ANK3: variants seen among roughly 807,000 people sequenced by gnomAD.
The protein encoded by ANK3 is ankyrin 3, also known as ankyrin-3.
In ANK3, 57 loss-of-function variants were observed where a neutral mutation model predicts 370.9. The observed-to-expected ratio is 0.15, with a 90% CI of 0.12 to 0.19. The LOEUF is 0.19. ANK3 is among the 10% of genes least tolerant of loss of function. The pLI is 1.00. For synonymous variants in ANK3, 1,929 were observed against 1,946.3 expected (o/e 0.99, Z 0.23); for missense variants, 4,439 against 5,302.1 (o/e 0.84, Z 5.06).
intron 2 of ANK3, among the ~76,000 whole-genome samples, chr10:60,531,127 CT>C (rs776619968): frequency 3.9e-5 from 6 of 152,098 alleles, no homozygotes; most frequent in Non-Finnish European, 7.4e-5. Context: ...TGTTTTTGGA[CT>C]TTGGGTGGCT....
intron 43 of ANK3, among the ~76,000 whole-genome samples, chr10:60,034,559 C>A (rs1200169679): frequency 6.6e-6 from 1 of 152,154 alleles, no homozygotes; most frequent in Non-Finnish European, 1.5e-5. Flanking sequence ...CCTATACTTG[C>A]CTTCTCTGAT....
At chr10:60,527,592 GTCC>G (rs2076503967) in intron 2 of ANK3, among the ~76,000 whole-genome samples, 2 of 152,018 alleles carry the variant, frequency 1.3e-5, no homozygotes, top group African/African-American at 4.8e-5. Context: ...ATAATTCAAA[GTCC>G]TCCTCAATTC....
At chr10:60,711,093 C>T (rs1398101350) in intron 1 of ANK3, among the ~76,000 whole-genome samples, 4 of 152,046 alleles carry the variant, frequency 2.6e-5, no homozygotes, top group African/African-American at 9.7e-5. Context: ...TTGGCCCAGT[C>T]AAGGGGACAC....
chr10:60,598,162 C>T (rs778215398), intron 2 of ANK3, among the ~76,000 whole-genome samples: 1 of 152,136 alleles, frequency 6.6e-6, no homozygotes, highest in Non-Finnish European at 1.5e-5. Context: ...TCTGTTACAT[C>T]GTAGCAGAAA....
At chr10:60,551,692 T>A (rs1040644246) in intron 2 of ANK3, among the ~76,000 whole-genome samples, 3 of 152,160 alleles carry the variant, frequency 2.0e-5, no homozygotes, top group Non-Finnish European at 4.4e-5. Flanking sequence ...CACACAAACT[T>A]TCAAATTTAG....
chr10:60,082,558 A>C, intron 34 of ANK3, 57 bp downstream of exon 34: 2 of 1,589,464 alleles, frequency 1.3e-6, no homozygotes, highest in Non-Finnish European at 1.7e-6. Context: ...ATTGCATACC[A>C]AAGGCCCACT....
chr10:60,125,393 A>G (rs1012574313), intron 25 of ANK3, among the ~76,000 whole-genome samples: 3 of 152,212 alleles, frequency 2.0e-5, no homozygotes, highest in Non-Finnish European at 4.4e-5. Flanking sequence ...AGGAAGTCAC[A>G]ATACCAACTT....
chr10:60,698,828 A>G (rs1014671070), intron 1 of ANK3, among the ~76,000 whole-genome samples: 1 of 151,120 alleles, frequency 6.6e-6, no homozygotes, highest in Non-Finnish European at 1.5e-5. Context: ...GGTGCAGTGC[A>G]CCAGCATGGC....
intron 2 of ANK3, among the ~76,000 whole-genome samples, chr10:60,458,103 T>A (rs1048691051): frequency 6.6e-6 from 1 of 152,096 alleles, no homozygotes; most frequent in Non-Finnish European, 1.5e-5. Context: ...AAATGTTGGC[T>A]GTTATTATTT....
chr10:60,058,906 C>A (rs1016425814), intron 41 of ANK3, among the ~76,000 whole-genome samples: 8 of 152,220 alleles, frequency 5.3e-5, no homozygotes, highest in African/African-American at 1.9e-4. Context: ...AGGTGCGTGA[C>A]ACCACACCCA....
At chr10:60,363,981 T>G (rs11818650) in intron 1 of ANK3, among the ~76,000 whole-genome samples, 22 of 148,650 alleles carry the variant, frequency 1.5e-4, no homozygotes, top group South Asian at 2.2e-4. Context: ...TTTTTTTTTT[T>G]TTTTTTTTTT....
At chr10:60,722,546 C>T (rs774699499) in intron 1 of ANK3, among the ~76,000 whole-genome samples, 5 of 152,170 alleles carry the variant, frequency 3.3e-5, no homozygotes, top group Admixed American at 6.5e-5. Flanking sequence ...AAAGTGTTCA[C>T]TTATCACTGA....
intron 1 of ANK3, among the ~76,000 whole-genome samples, chr10:60,712,875 T>G (rs780870801): frequency 6.6e-6 from 1 of 152,206 alleles, no homozygotes; most frequent in Non-Finnish European, 1.5e-5. Flanking sequence ...AGGAGCATTA[T>G]ATAATGATAA....
intron 8 of ANK3, among the ~76,000 whole-genome samples, chr10:60,222,798 T>G (rs1484099119): frequency 6.6e-6 from 1 of 152,146 alleles, no homozygotes; most frequent in African/African-American, 2.4e-5. Context: ...CCCACGCCAT[T>G]TCATGTACCT....
intron 42 of ANK3, chr10:60,051,687 G>A (rs1391456072): frequency 2.6e-5 from 7 of 265,316 alleles, no homozygotes; most frequent in South Asian, 3.1e-4. Context: ...TTTTTTTGCC[G>A]ACTAAAGAAA....
chr10:60,227,047 A>G (rs2097174977), intron 8 of ANK3, among the ~76,000 whole-genome samples: 1 of 151,774 alleles, frequency 6.6e-6, no homozygotes, highest in African/African-American at 2.4e-5. Flanking sequence ...TTTCCCTTAG[A>G]TGGAAGAAAT....
rs370292854 is a variant in ANK3, at chr10:60,198,397, A to G, written c.1632T>C (p.His544=). The G allele has an allele frequency of 4.3e-6, 7 of 1,613,952 alleles. No individual in the cohort carries two copies. Among genetic ancestry groups the G allele is most frequent in the African/African-American group, 4.0e-5 (3 of 74,932 alleles). The change falls in exon 14 of 44, where the codon CAT becomes CAC. Residue 544 remains histidine (H), a synonymous_variant. Transcript: ENST00000280772. ...CCAAAAGGAACGCGGCCACATCCTCATGCCCCTCTCGGGCGGAAAGGTGAA... is the reference window on the plus strand; with the variant it reads ...CCAAAAGGAACGCGGCCACATCCTCGTGCCCCTCTCGGGCGGAAAGGTGAA... The part of the protein sequence containing the change: ...TPLHLSAREG[H]EDVAAFLLDH...
At chr10:60,520,402 A>T (rs922250566) in intron 2 of ANK3, among the ~76,000 whole-genome samples, 1 of 152,146 alleles carries the variant, frequency 6.6e-6, no homozygotes, top group Non-Finnish European at 1.5e-5. Flanking sequence ...GAACCTGCAC[A>T]TACACTACCT....
chr10:60,137,996 G>T (rs1205216954), intron 24 of ANK3, among the ~76,000 whole-genome samples: 1 of 151,708 alleles, frequency 6.6e-6, no homozygotes, highest in Non-Finnish European at 1.5e-5. Flanking sequence ...AGACTTTAAG[G>T]CCTTTTATAA....
Sources: gnomAD v4.1 joint callset for allele counts (sites outside exome capture counted in the v4.1 genomes callset) on GRCh38, gnomAD v4.1.1 for gene constraint, MANE v1.5 for transcripts, NCBI Gene and HGNC (gene_info 2026-07-23, HGNC 2026-07-21) for gene names.